Variants in CACNA2D3 observed in about 807,000 individuals in gnomAD.
CACNA2D3 encodes calcium voltage-gated channel auxiliary subunit alpha2delta 3, also known as voltage-dependent calcium channel subunit alpha-2/delta-3.
Under a neutral mutation model 160.6 loss-of-function variants are expected in CACNA2D3, and 60 were observed. The ratio of observed to expected loss-of-function variants is 0.37; its 90% CI spans 0.30 to 0.46. CACNA2D3 has a LOEUF of 0.46. Among genes scored for constraint, CACNA2D3 ranks in the 20% least tolerant of loss-of-function variants. The probability of loss-of-function intolerance (pLI) is 1.00; values close to 1 mark genes in which losing one functional copy is unlikely to be tolerated. For missense variants in CACNA2D3, 1,205 were observed against 1,365.0 expected, an observed-to-expected ratio of 0.88 and a Z score of 1.85; for synonymous variants, 558 against 492.9, an observed-to-expected ratio of 1.13 and a Z score of -1.75.
intron 6 of CACNA2D3, among the ~76,000 whole-genome samples, chr3:54,564,754 C>T (rs954694893): frequency 1.3e-5 from 2 of 152,176 alleles, no homozygotes; most frequent in Non-Finnish European, 2.9e-5. Flanking sequence ...GAGGTCTCTG[C>T]CCTCATCCAG....
chr3:54,813,326 A>G (rs1467428057), intron 13 of CACNA2D3, among the ~76,000 whole-genome samples: 1 of 152,080 alleles, frequency 6.6e-6, no homozygotes, highest in Non-Finnish European at 1.5e-5. Context: ...GAAGAAGAAA[A>G]CATCTCCCCG....
At chr3:54,792,286 A>G (rs1702773155) in intron 13 of CACNA2D3, among the ~76,000 whole-genome samples, 2 of 152,014 alleles carry the variant, frequency 1.3e-5, no homozygotes, top group South Asian at 4.2e-4. Flanking sequence ...GAGCCCTCTC[A>G]CTCAGTCCCT....
chr3:54,714,218 G>T (rs1401485293), intron 11 of CACNA2D3, among the ~76,000 whole-genome samples: 1 of 152,130 alleles, frequency 6.6e-6, no homozygotes, highest in African/African-American at 2.4e-5. Flanking sequence ...GGAAACAAGG[G>T]CGCTATTGTT....
At chr3:54,180,516 A>C (rs1389928703) in intron 2 of CACNA2D3, among the ~76,000 whole-genome samples, 1 of 152,156 alleles carries the variant, frequency 6.6e-6, no homozygotes, top group Non-Finnish European at 1.5e-5. Flanking sequence ...TCAACCTACT[A>C]CTGAAGCTAA....
intron 27 of CACNA2D3, among the ~76,000 whole-genome samples, chr3:54,912,389 G>T (rs1700576457): frequency 6.6e-6 from 1 of 152,142 alleles, no homozygotes; most frequent in Admixed American, 6.6e-5. Context: ...GCCACAACCT[G>T]TAAGTCCTAC....
At chr3:54,846,334 C>T in intron 16 of CACNA2D3, 59 bp from the exon 17 acceptor site, 1 of 1,123,212 alleles carries the variant, frequency 8.9e-7, no homozygotes, top group South Asian at 1.4e-5. Context: ...CTGCTTTATG[C>T]TTTGTGAATT....
chr3:54,987,529 G>C (rs2280186), intron 30 of CACNA2D3, 154 bp from the exon 31 acceptor site: 118,827 of 535,062 alleles, frequency 0.22, 16,544 homozygotes, highest in African/African-American at 0.5. Flanking sequence ...AATCCCATGA[G>C]TTCTCATGAC....
chr3:54,175,565 G>T (rs1700663268), intron 2 of CACNA2D3, among the ~76,000 whole-genome samples: 1 of 146,822 alleles, frequency 6.8e-6, no homozygotes, highest in South Asian at 2.1e-4. Flanking sequence ...GTGAGCTGAG[G>T]TTGCGACACT....
At chr3:54,371,068 G>A (rs979937366) in intron 3 of CACNA2D3, among the ~76,000 whole-genome samples, 2 of 152,154 alleles carry the variant, frequency 1.3e-5, no homozygotes, top group African/African-American at 4.8e-5. Context: ...ATTGCTGAAT[G>A]ATATTCCATT....
At chr3:54,221,551 G>T (rs1156643714) in intron 2 of CACNA2D3, among the ~76,000 whole-genome samples, 4 of 152,186 alleles carry the variant, frequency 2.6e-5, no homozygotes, top group Non-Finnish European at 5.9e-5. Flanking sequence ...TGAAATACAT[G>T]AATTATTAAA....
At chr3:54,751,405 A>T (rs1156437796) in intron 11 of CACNA2D3, among the ~76,000 whole-genome samples, 1 of 152,198 alleles carries the variant, frequency 6.6e-6, no homozygotes, top group East Asian at 1.9e-4. Context: ...ATTAGAGGAT[A>T]TGCATAATTA....
At chr3:54,577,403 T>G (rs1029065958) in intron 8 of CACNA2D3, among the ~76,000 whole-genome samples, 3 of 152,108 alleles carry the variant, frequency 2.0e-5, no homozygotes, top group African/African-American at 7.2e-5. Context: ...GGGCTTGTCT[T>G]GGGTACATAG....
At chr3:54,581,440 C>T (rs1002648247) in intron 8 of CACNA2D3, among the ~76,000 whole-genome samples, 3 of 152,168 alleles carry the variant, frequency 2.0e-5, no homozygotes, top group South Asian at 2.1e-4. Flanking sequence ...GCTGTATCCA[C>T]GCAACTCTGG....
intron 13 of CACNA2D3, among the ~76,000 whole-genome samples, chr3:54,808,749 C>G (rs1703202692): frequency 6.6e-6 from 1 of 152,152 alleles, no homozygotes; most frequent in Non-Finnish European, 1.5e-5. Context: ...TCACACTCTG[C>G]CTAATGTACC....
At chr3:54,480,945 C>T (rs765943227) in intron 4 of CACNA2D3, among the ~76,000 whole-genome samples, 6 of 152,202 alleles carry the variant, frequency 3.9e-5, no homozygotes, top group Non-Finnish European at 8.8e-5. Context: ...CCTTCTCACT[C>T]ATAGGCCTGA....
chr3:54,686,883 G>A (rs1700457185), intron 11 of CACNA2D3, among the ~76,000 whole-genome samples: 1 of 152,140 alleles, frequency 6.6e-6, no homozygotes, highest in Non-Finnish European at 1.5e-5. Context: ...TCTATCAGGT[G>A]TAAATATGGT....
intron 5 of CACNA2D3, among the ~76,000 whole-genome samples, chr3:54,552,626 A>G (rs1575341282): frequency 6.6e-6 from 1 of 152,132 alleles, no homozygotes; most frequent in African/African-American, 2.4e-5. Context: ...GTAGTTCATG[A>G]CTACCTGGAA....
rs569183232 is a variant in CACNA2D3 at position 54,391,491 on chromosome 3, GCTTT to G, written c.381+4742_381+4745del. ...GTGCTTGGCCTTCATTGGCGGGGTGGCTTTCTTTCTTTCTTTCTTTCTTTCTTTT... is the reference window on the plus strand; with the variant it reads ...GTGCTTGGCCTTCATTGGCGGGGTGGCTTTCTTTCTTTCTTTCTTTCTTTT... On this transcript the variant is annotated intron_variant, in intron 4 of 37. Transcript: ENST00000474759. Among the ~76,000 whole-genome samples, 419 of 149,978 alleles carry G rather than the reference GCTTT, an allele frequency of 2.8e-3. 1 individual carries two copies. The highest frequency in any genetic ancestry group is 0.022 in the East Asian group (114 of 5,098).
chr3:54,899,316 G>A lies in CACNA2D3; in HGVS notation c.2369-472G>A, dbSNP rs550730417. The stretch of plus-strand genomic sequence containing the variant: ...AATTTTGCCCAGAAAAACTGGGCTC[G>A]AAATTACAATTTTATAGATCAGTAA... On this transcript the variant is annotated intron_variant, in intron 26 of 37. Coordinates refer to ENST00000474759, the MANE Select transcript of CACNA2D3 (RefSeq NM_018398.3). Among the ~76,000 whole-genome samples the A allele has an allele frequency of 8.5e-5, 13 of 152,260 alleles. 2 individuals are homozygous for A. In the South Asian group the frequency reaches 1.9e-3, roughly 22 times the overall value.
Sources: allele counts gnomAD v4.1 joint callset (sites outside exome capture counted in the v4.1 genomes callset), GRCh38; gene constraint gnomAD v4.1.1; transcripts MANE v1.5; gene names NCBI Gene and HGNC (gene_info 2026-07-23, HGNC 2026-07-21).